Variants in RRBP1 observed in about 807,000 individuals in gnomAD.
RRBP1 encodes ribosome-binding protein 1.
In RRBP1, 94 loss-of-function variants were observed where a neutral mutation model predicts 165.2. That is an observed-to-expected ratio of 0.57 (90% CI 0.48 to 0.68). RRBP1 has a LOEUF of 0.68. Ranked by LOEUF, RRBP1 falls within the 30% of genes least tolerant of loss-of-function variation. RRBP1 has a pLI of 0.00. For missense variants in RRBP1, 1,676 were observed against 1,763.0 expected (o/e 0.95, Z 0.88); for synonymous variants, 680 against 714.5 (o/e 0.95, Z 0.77).
chr20:17,629,651 G>A (rs1461773826), intron 9 of RRBP1, among the ~76,000 whole-genome samples, 172 bp downstream of exon 9: 2 of 151,602 alleles, frequency 1.3e-5, no homozygotes, highest in Non-Finnish European at 2.9e-5. Flanking sequence ...GCCAGCCCCT[G>A]ACTGGGCATA....
In RRBP1 at chr20:17,659,763, C is replaced by A. The variant is rs936112609; in HGVS notation, c.745G>T (p.Gly249Cys). The change falls in exon 3 of 25, where the codon GGC becomes TGC. Residue 249 changes from glycine (G) to cysteine (C), a missense_variant. Physicochemically the swap from Gly to Cys is radical, Grantham distance 159. Coordinates refer to ENST00000377813, the MANE Select transcript of RRBP1 (RefSeq NM_001365613.2). ...TTTGGGGTTCCTTCTGCCTTTTTGCCTTGGTTTGGGGTTCCCTCTGCCTTT... is the reference window on the plus strand; with the variant it reads ...TTTGGGGTTCCTTCTGCCTTTTTGCATTGGTTTGGGGTTCCCTCTGCCTTT... Reference protein sequence around the residue: ...GKKAEGTPNQGKKAEGTPNQG... With the variant: ...GKKAEGTPNQCKKAEGTPNQG... The A allele has an allele frequency of 6.4e-7, 1 of 1,550,670 alleles. No homozygotes were observed.
At chr20:17,614,700 C>G (rs201165285) in intron 24 of RRBP1, 37 bp downstream of exon 24, 1 of 1,604,554 alleles carries the variant, frequency 6.2e-7, no homozygotes, top group African/African-American at 1.3e-5. Flanking sequence ...CCCGGCAGCT[C>G]GACTCCTCCC....
intron 5 of RRBP1, among the ~76,000 whole-genome samples, chr20:17,637,103 G>A (rs1161541058): frequency 6.6e-6 from 1 of 151,092 alleles, no homozygotes; most frequent in Non-Finnish European, 1.5e-5. Context: ...GGGCCCCTGG[G>A]ACACCTACTT....
intron 5 of RRBP1, among the ~76,000 whole-genome samples, chr20:17,637,303 G>A (rs759715067): frequency 7.2e-5 from 11 of 152,278 alleles, no homozygotes; most frequent in Middle Eastern, 3.4e-3. Context: ...CATGGATGCC[G>A]AGTCTGGGGG....
chr20:17,657,224 TG>T (rs1283980007), intron 3 of RRBP1, among the ~76,000 whole-genome samples: 1 of 152,236 alleles, frequency 6.6e-6, no homozygotes, highest in African/African-American at 2.4e-5. Flanking sequence ...CCAGAGCGTC[TG>T]GGTTTTCAAA....
chr20:17,652,414 A>AC (rs2036574817), intron 3 of RRBP1, among the ~76,000 whole-genome samples: 1 of 152,000 alleles, frequency 6.6e-6, no homozygotes, highest in Admixed American at 6.6e-5. Context: ...CCTAGGCCCT[A>AC]CACCTCCCCT....
chr20:17,627,871 G>A (rs964356624), intron 9 of RRBP1, among the ~76,000 whole-genome samples, 189 bp from the exon 10 acceptor site: 8 of 152,192 alleles, frequency 5.3e-5, no homozygotes, highest in African/African-American at 1.9e-4. Flanking sequence ...TGAAGAAAGT[G>A]CCACTCTGGC....
chr20:17,632,968 C>A (rs749109516), intron 8 of RRBP1, among the ~76,000 whole-genome samples: 1 of 152,232 alleles, frequency 6.6e-6, no homozygotes, highest in East Asian at 1.9e-4. Context: ...CCAGAGGCTG[C>A]GTCCACAGCC....
rs575489436 is a variant in RRBP1, at chr20:17,660,054, C to G, written c.454G>C (p.Ala152Pro). The G allele has an allele frequency of 6.2e-7, 1 of 1,613,850 alleles. No individual in the cohort carries two copies. Among genetic ancestry groups the G allele is most frequent in the South Asian group, 1.1e-5 (1 of 90,970 alleles). Residue 152 changes from alanine (A) to proline (P), a missense_variant, in exon 3 of 25, where the codon GCT becomes CCT. Ala to Pro is a conservative substitution (Grantham distance 27). Around this residue, in one of 5 missense-constraint regions of RRBP1, gnomAD observed 392 missense variants for 382.5 expected, o/e 1.02. Transcript: ENST00000377813. Reference protein sequence around the residue: ...KEKKVAKVEPAVSSVVNSIQV... With the variant: ...KEKKVAKVEPPVSSVVNSIQV... ...ATGGAATTCACTACAGAGCTGACAG[C>G]TGGTTCCACTTTTGCCACTTTTTTC...
intron 13 of RRBP1, 61 bp downstream of exon 13, chr20:17,624,515 T>G: frequency 9.0e-7 from 1 of 1,108,724 alleles, no homozygotes; most frequent in Non-Finnish European, 1.3e-6. Flanking sequence ...TACGTCTTAG[T>G]GCATTTGTGC....
At chr20:17,648,155 A>T (rs1182106262) in intron 3 of RRBP1, among the ~76,000 whole-genome samples, 3 of 151,996 alleles carry the variant, frequency 2.0e-5, no homozygotes, top group African/African-American at 7.3e-5. Context: ...TCAGGGTCCC[A>T]CCCCGAGGTG....
At chr20:17,620,074 C>T (rs923995615) in intron 18 of RRBP1, among the ~76,000 whole-genome samples, 1 of 152,116 alleles carries the variant, frequency 6.6e-6, no homozygotes, top group South Asian at 2.1e-4. Flanking sequence ...CAGGGCTGGG[C>T]AGGTCTGCAC....
intron 8 of RRBP1, among the ~76,000 whole-genome samples, chr20:17,630,803 GA>G (rs1233714159): frequency 2.0e-5 from 3 of 152,278 alleles, no homozygotes; most frequent in African/African-American, 7.2e-5. Context: ...AACCAGGTAA[GA>G]GGGGCATCAA....
rs1452957124 is a variant in RRBP1, at chr20:17,618,595, C to T, written c.3759+1G>A. The T allele has an allele frequency of 6.2e-7, 1 of 1,613,436 alleles. No homozygotes were observed. ...GGCATGGGGACATGGAGGCCACCTA[C>T]CAGGGCAAGCTCATCGCTCTGTTTC... On this transcript the variant is annotated splice_donor_variant, in intron 20 of 24. Coordinates refer to ENST00000377813, the MANE Select transcript of RRBP1 (RefSeq NM_001365613.2). LOFTEE classifies it high-confidence loss of function.
In RRBP1 at chr20:17,681,990, CGCGCGCGGCCGCTGCAGGGCCCGGCCA is replaced by C. The variant is rs1263652337; in HGVS notation, c.-99+11_-99+37del. On this transcript the variant is annotated intron_variant, in intron 1 of 24. Coordinates refer to ENST00000377813, the MANE Select transcript of RRBP1 (RefSeq NM_001365613.2). ...GCCCCGGCCCCCCGACGGCCCGGCC[CGCGCGCGGCCGCTGCAGGGCCCGGCCA>C]AGTTTCTTACCTGCAGCCAGAGACG... The C allele has an allele frequency of 6.7e-6, 1 of 149,408 alleles. No individual in the cohort carries two copies. Among genetic ancestry groups the C allele is most frequent in the Non-Finnish European group, 1.5e-5 (1 of 67,102 alleles). The allele number at this position is 149,408 out of a possible 1,614,324, so 9.3% of individuals were successfully genotyped here. A position where few individuals can be genotyped will look rare whatever the true frequency, so the allele number is the denominator to read the frequency against.
chr20:17,621,771 A>C lies in RRBP1; in HGVS notation c.3243T>G (p.Asn1081Lys), dbSNP rs2035918759. 1 of 1,613,920 alleles carries C rather than the reference A, an allele frequency of 6.2e-7. No homozygotes were observed. The change falls in exon 15 of 25, where the codon AAT (asparagine) becomes AAG (lysine). Residue 1081 changes from asparagine (N) to lysine (K), a missense_variant and splice_region_variant. This residue lies in a region of RRBP1 where 1,184 missense variants were observed against 1,167.1 expected (regional missense o/e 1.01). Coordinates refer to ENST00000377813, the MANE Select transcript of RRBP1 (RefSeq NM_001365613.2). Reference protein sequence around the residue: ...LPELSVLAQQNYTEWLQDLKE... With the variant: ...LPELSVLAQQKYTEWLQDLKE... ...TGAGATCCTGCAGCCACTCGGTGTA[A>C]TTCTGCAATGAAACACATTCGGTGA...
chr20:17,630,850 A>C (rs1346861145), intron 8 of RRBP1, among the ~76,000 whole-genome samples: 1 of 152,260 alleles, frequency 6.6e-6, no homozygotes, highest in Non-Finnish European at 1.5e-5. Context: ...GCTGTGAGTT[A>C]TCCCTCGTCA....
intron 9 of RRBP1, among the ~76,000 whole-genome samples, chr20:17,628,659 C>CT (rs1277418065): frequency 2.6e-5 from 4 of 152,254 alleles, no homozygotes; most frequent in Non-Finnish European, 2.9e-5. Flanking sequence ...TCCAGCCACA[C>CT]TTGTTAGCCC....
intron 15 of RRBP1, 69 bp downstream of exon 15, chr20:17,621,621 T>C (rs1180075212): frequency 1.9e-6 from 3 of 1,591,528 alleles, no homozygotes; most frequent in Non-Finnish European, 2.6e-6. Flanking sequence ...TTGAAATGAC[T>C]TGGGGCAGCC....
Sources: allele counts gnomAD v4.1 joint callset (sites outside exome capture counted in the v4.1 genomes callset), GRCh38; gene constraint gnomAD v4.1.1; regional missense constraint gnomAD v4.1.1; transcripts MANE v1.5; gene names NCBI Gene and HGNC (gene_info 2026-07-23, HGNC 2026-07-21).